FARP1: variants seen among roughly 807,000 people sequenced by gnomAD.
FARP1 encodes the protein FERM, ARHGEF and pleckstrin domain-containing protein 1.
A neutral mutation model predicts 128.8 loss-of-function variants in FARP1; 52 were observed. The ratio of observed to expected loss-of-function variants is 0.40; its 90% CI spans 0.32 to 0.51. The LOEUF is 0.51. FARP1 is among the 20% of genes least tolerant of loss of function. FARP1 has a pLI of 0.45. For missense variants in FARP1, 1,333 were observed against 1,367.9 expected (o/e 0.97, Z 0.40); for synonymous variants, 580 against 551.8 (o/e 1.05, Z -0.72).
chr13:98,237,926 T>C (rs1357366204), intron 2 of FARP1, among the ~76,000 whole-genome samples: 1 of 152,162 alleles, frequency 6.6e-6, no homozygotes, highest in Non-Finnish European at 1.5e-5. Context: ...CTGTTTTATC[T>C]TGTATTGAAA....
At chr13:98,344,830 C>G (rs1226529807) in intron 3 of FARP1, among the ~76,000 whole-genome samples, 1 of 152,186 alleles carries the variant, frequency 6.6e-6, no homozygotes, top group African/African-American at 2.4e-5. Context: ...TCCAAACACT[C>G]TGTCGTTTTC....
At position 98,192,393 on chromosome 13, in the gene FARP1, T is replaced by TA. The variant is rs1298760637; in HGVS notation, c.-23-20826dup. On this transcript the variant is annotated intron_variant, in intron 1 of 26. Transcript: ENST00000319562. ...ACCCCAGCAATGTAACATTGACTGT[T>TA]ACTTTTTTTTTTCTGAGATGGAGTC... is the stretch of plus-strand genomic sequence containing the variant. 2.6e-5 allele frequency among the ~76,000 whole-genome samples: 4 copies of TA among 152,120 alleles called. No individual in the cohort carries two copies. In the East Asian group the frequency reaches 7.7e-4, roughly 29 times the overall value.
Position 98,443,856 on chromosome 13 carries a change from G to A in FARP1, c.2797-2242G>A, listed in dbSNP as rs56374160. ...CGCAGACAGGACTGGGAGGAGGGAA[G>A]GGACGGGGTGCAGACAGGACCGGAA... On this transcript the variant is annotated intron_variant, in intron 24 of 26. Coordinates refer to ENST00000319562, the MANE Select transcript of FARP1 (RefSeq NM_005766.4). Among the ~76,000 whole-genome samples the A allele has an allele frequency of 4.3e-3, 31 of 7,216 alleles. 1 individual carries two copies. The South Asian group carries it at 0.049, about 11-fold the overall frequency. 4.7% of individuals were successfully genotyped at this position (7,216 alleles called of 152,430 possible). A position where few individuals can be genotyped will look rare whatever the true frequency, so the allele number is the denominator to read the frequency against.
chr13:98,413,349 A>G (rs1345907386), intron 16 of FARP1, among the ~76,000 whole-genome samples: 1 of 152,194 alleles, frequency 6.6e-6, no homozygotes, highest in Non-Finnish European at 1.5e-5. Flanking sequence ...TATAAGAGAA[A>G]TGTCACTTTT....
At chr13:98,160,035 A>G (rs1048206514) in intron 1 of FARP1, among the ~76,000 whole-genome samples, 8 of 152,108 alleles carry the variant, frequency 5.3e-5, no homozygotes, top group African/African-American at 1.9e-4. Flanking sequence ...CTTTAGCTTC[A>G]CCTTTGAAGA....
At chr13:98,261,408 G>C (rs1883873616) in intron 2 of FARP1, among the ~76,000 whole-genome samples, 1 of 152,174 alleles carries the variant, frequency 6.6e-6, no homozygotes, top group Non-Finnish European at 1.5e-5. Flanking sequence ...CCTCCCATTG[G>C]ATGCAACCTT....
chr13:98,232,001 T>C (rs981329437), intron 2 of FARP1, among the ~76,000 whole-genome samples: 8 of 152,136 alleles, frequency 5.3e-5, no homozygotes, highest in African/African-American at 1.9e-4. Flanking sequence ...CTAATTTCTT[T>C]GTATTTTTAG....
At chr13:98,426,707 A>G (rs1448445717) in intron 17 of FARP1, among the ~76,000 whole-genome samples, 2 of 152,192 alleles carry the variant, frequency 1.3e-5, no homozygotes, top group African/African-American at 2.4e-5. Context: ...TTGAGGCAAT[A>G]CCAGAGAGAG....
At chr13:98,267,781 C>G (rs1884198246) in intron 2 of FARP1, among the ~76,000 whole-genome samples, 1 of 151,508 alleles carries the variant, frequency 6.6e-6, no homozygotes, top group Non-Finnish European at 1.5e-5. Context: ...CCTGGGGCCT[C>G]TGATCCTGGG....
At chr13:98,170,425 C>T (rs1337321292) in intron 1 of FARP1, among the ~76,000 whole-genome samples, 1 of 152,170 alleles carries the variant, frequency 6.6e-6, no homozygotes, top group African/African-American at 2.4e-5. Flanking sequence ...GGCGCGATCT[C>T]GGCTCACTGC....
intron 6 of FARP1, 66 bp from the exon 7 acceptor site, chr13:98,384,664 G>A (rs180897146): frequency 2.1e-6 from 2 of 958,586 alleles, no homozygotes; most frequent in African/African-American, 3.2e-5. Context: ...TGGCTCACTG[G>A]GGAATATTGA....
chr13:98,361,570 G>A (rs948596411), intron 3 of FARP1, among the ~76,000 whole-genome samples: 2 of 152,212 alleles, frequency 1.3e-5, no homozygotes, highest in African/African-American at 4.8e-5. Context: ...CAGGCTCCCA[G>A]TGCGCTCTCT....
chr13:98,317,227 T>C (rs1399071038), intron 2 of FARP1, among the ~76,000 whole-genome samples: 1 of 152,200 alleles, frequency 6.6e-6, no homozygotes, highest in Admixed American at 6.5e-5. Context: ...ATTTCAAACA[T>C]GAAATCTCAT....
At chr13:98,402,024 G>A (rs1254900487) in intron 13 of FARP1, 1 of 152,160 alleles carries the variant, frequency 6.6e-6, no homozygotes, top group East Asian at 1.9e-4. Context: ...TTGTCTTGGA[G>A]TGGCTTTCTG....
intron 17 of FARP1, among the ~76,000 whole-genome samples, chr13:98,430,070 T>C (rs1891951017): frequency 1.3e-5 from 2 of 152,082 alleles, no homozygotes; most frequent in South Asian, 4.1e-4. Flanking sequence ...AGTGAGACCC[T>C]GTCTCTAAAA....
intron 1 of FARP1, among the ~76,000 whole-genome samples, chr13:98,211,764 A>T (rs1391758547): frequency 6.6e-6 from 1 of 152,022 alleles, no homozygotes; most frequent in Non-Finnish European, 1.5e-5. Context: ...ACTTCATCTC[A>T]CCTGGAAATC....
At chr13:98,429,838 A>G (rs972500585) in intron 17 of FARP1, among the ~76,000 whole-genome samples, 2 of 152,248 alleles carry the variant, frequency 1.3e-5, no homozygotes, top group African/African-American at 2.4e-5. Context: ...AGATACTACC[A>G]TAGGCTTTTC....
At chr13:98,373,533 G>GACAGACACACACACACACACACAC (rs1349451618) in intron 5 of FARP1, among the ~76,000 whole-genome samples, 10 of 131,068 alleles carry the variant, frequency 7.6e-5, no homozygotes, top group African/African-American at 2.4e-4. Context: ...CAGACAGACA[G>GACAGACACACACACACACACACAC]ACACACACAC....
chr13:98,311,423 T>C (rs1000178502), intron 2 of FARP1, among the ~76,000 whole-genome samples: 14 of 152,260 alleles, frequency 9.2e-5, no homozygotes, highest in African/African-American at 3.4e-4. Flanking sequence ...CCTGGTTTGC[T>C]TCCTGTTAGG....
Sources: gnomAD v4.1 joint callset for allele counts (sites outside exome capture counted in the v4.1 genomes callset) on GRCh38, gnomAD v4.1.1 for gene constraint, MANE v1.5 for transcripts, NCBI Gene and HGNC (gene_info 2026-07-23, HGNC 2026-07-21) for gene names.